Variants in HSPE1 observed in about 807,000 individuals in gnomAD.
The protein encoded by HSPE1 is 10 kDa heat shock protein, mitochondrial.
A neutral mutation model predicts 13.2 loss-of-function variants in HSPE1; 1 was observed. The ratio of observed to expected loss-of-function variants is 0.08; its 90% CI spans 0.03 to 0.36. HSPE1 has a LOEUF of 0.36. HSPE1 is among the 10% of genes least tolerant of loss of function. The pLI is 0.99. For missense variants in HSPE1, 73 were observed against 118.7 expected (o/e 0.62, Z 1.79); for synonymous variants, 44 against 42.0 (o/e 1.05, Z -0.19).
Position 197,503,325 on chromosome 2 carries a change from C to T in HSPE1, c.*66C>T, listed in dbSNP as rs567100980. The T allele has an allele frequency of 1.5e-4, 149 of 993,372 alleles. No homozygotes were observed. Among genetic ancestry groups the T allele is most frequent in the East Asian group, 1.0e-3 (42 of 41,676 alleles). The allele number at this position is 993,372 out of a possible 1,614,324, so 61.5% of individuals were successfully genotyped here. The stretch of plus-strand genomic sequence containing the variant: ...ATTCCACTGAAGTTCTGAAATCTTT[C>T]GTCATGTAAATAATTTCCATATTTC... On this transcript the variant is annotated 3_prime_UTR_variant, in exon 4 of 4. Coordinates refer to ENST00000233893, the MANE Select transcript of HSPE1 (RefSeq NM_002157.3).
At chr2:197,501,855 C>G (rs2086260640) in intron 2 of HSPE1, among the ~76,000 whole-genome samples, 2 of 151,266 alleles carry the variant, frequency 1.3e-5, no homozygotes, top group African/African-American at 4.9e-5. Context: ...TTTAATAAGA[C>G]AAAAGAGGCT....
chr2:197,503,090 C>G lies in HSPE1; in HGVS notation c.220C>G (p.Pro74Ala). ...GAAAGTTGGAGATAAAGTTCTTCTC[C>G]CAGAATATGGAGGCACCAAAGTAGT... ...SVKVGDKVLLPEYGGTKVVLD... is the reference protein window; with the variant it reads ...SVKVGDKVLLAEYGGTKVVLD... Residue 74 changes from proline (P) to alanine (A), a missense_variant, in exon 3 of 4, where the codon CCA becomes GCA. Coordinates refer to ENST00000233893, the MANE Select transcript of HSPE1 (RefSeq NM_002157.3). The G allele has an allele frequency of 6.2e-7, 1 of 1,609,364 alleles. No individual in the cohort carries two copies. The highest frequency in any genetic ancestry group is 8.5e-7 in the Non-Finnish European group (1 of 1,177,400).
chr2:197,501,924 G>C (rs756881849), intron 2 of HSPE1, among the ~76,000 whole-genome samples: 33 of 152,128 alleles, frequency 2.2e-4, no homozygotes, highest in Non-Finnish European at 4.1e-4. Flanking sequence ...CAGGAGGATC[G>C]TTTGAGCTCA....
rs773500015 is a variant in HSPE1, at chr2:197,500,401, A to C, written c.-36A>C. 6 of 1,597,186 alleles carry C rather than the reference A, an allele frequency of 3.8e-6. No homozygotes were observed. Among genetic ancestry groups the C allele is most frequent in the South Asian group, 1.1e-5 (1 of 88,292 alleles). ...ACTGCGAGTCTCTTTGCGGCGCTAC[A>C]CTAGAGCAGAGTACGAGTCTGAGGC... On this transcript the variant is annotated 5_prime_UTR_variant, in exon 1 of 4. Transcript: ENST00000233893.
At chr2:197,502,342 T>G (rs2086267098) in intron 2 of HSPE1, among the ~76,000 whole-genome samples, 1 of 152,218 alleles carries the variant, frequency 6.6e-6, no homozygotes, top group Admixed American at 6.6e-5. Flanking sequence ...GCCAAAAGAT[T>G]GCACACCTCT....
rs759144317 is a variant in HSPE1 at position 197,503,022 on chromosome 2, A to T, written c.169-17A>T. 8.9e-6 allele frequency: 13 copies of T among 1,461,864 alleles called. No individual in the cohort carries two copies. Among genetic ancestry groups the T allele is most frequent in the Non-Finnish European group, 1.1e-5 (12 of 1,052,634 alleles). 90.6% of individuals were successfully genotyped at this position (1,461,864 alleles called of 1,614,324 possible). On this transcript the variant is annotated splice_polypyrimidine_tract_variant and intron_variant, in intron 2 of 3. Transcript: ENST00000233893. ...GAACTAGATATCTTTGCTAATAAAC[A>T]TCCTTCCTTTTTTAAGGGTGGAGAG...
intron 2 of HSPE1, 42 bp downstream of exon 2, chr2:197,501,280 G>A (rs781536932): frequency 9.7e-6 from 15 of 1,548,586 alleles, no homozygotes; most frequent in Non-Finnish European, 1.3e-5. Context: ...ATAGTGTGCA[G>A]TGGAGGGAAA....
intron 1 of HSPE1, 130 bp downstream of exon 1, chr2:197,500,569 C>A: frequency 7.2e-7 from 1 of 1,394,862 alleles, no homozygotes; most frequent in Non-Finnish European, 9.9e-7. Flanking sequence ...CGCCCGATGG[C>A]ACCTTGGAGC....
chr2:197,501,727 C>A (rs977382863), intron 2 of HSPE1, among the ~76,000 whole-genome samples: 1 of 151,040 alleles, frequency 6.6e-6, no homozygotes, highest in African/African-American at 2.4e-5. Flanking sequence ...TGCAAGGCGC[C>A]CCTGCATTCC....
At position 197,501,246 on chromosome 2, in the gene HSPE1, G is replaced by A. The variant is rs902503936; in HGVS notation, c.168+8G>A. The A allele has an allele frequency of 2.5e-6, 4 of 1,604,322 alleles. No individual in the cohort carries two copies. The highest frequency in any genetic ancestry group is 2.7e-5 in the African/African-American group (2 of 74,662). On this transcript the variant is annotated splice_region_variant and intron_variant, in intron 2 of 3. Coordinates refer to ENST00000233893, the MANE Select transcript of HSPE1 (RefSeq NM_002157.3). ...TCGGGTTCTAAAGGAAAGGTAAATG[G>A]GAGCTGCAGTGGAACTATTTTTTAT...
At chr2:197,500,877 C>T in intron 1 of HSPE1, 197 bp from the exon 2 acceptor site, 1 of 662,610 alleles carries the variant, frequency 1.5e-6, no homozygotes, top group Non-Finnish European at 2.6e-6. Context: ...GACAACGACC[C>T]CTAACAGACG....
chr2:197,501,264 T>C (rs1296869691), intron 2 of HSPE1, 26 bp downstream of exon 2: 4 of 1,586,028 alleles, frequency 2.5e-6, no homozygotes, highest in South Asian at 2.3e-5. Flanking sequence ...AGTGGAACTA[T>C]TTTTTATAGT....
Position 197,503,423 on chromosome 2 carries a change from CA to C in HSPE1, c.*165del. ...AATTGTTTCCTTGTACTGATATAAA[CA>C]CTTCCAAATAAAAATATGTAAATGA... is the stretch of plus-strand genomic sequence containing the variant. On this transcript the variant is annotated 3_prime_UTR_variant, in exon 4 of 4. Coordinates refer to ENST00000233893, the MANE Select transcript of HSPE1 (RefSeq NM_002157.3). 2.1e-6 allele frequency: 1 copy of C among 472,348 alleles called. No homozygotes were observed. The highest frequency in any genetic ancestry group is 3.7e-6 in the Non-Finnish European group (1 of 267,444). 29.3% of individuals were successfully genotyped at this position (472,348 alleles called of 1,614,324 possible). A position where few individuals can be genotyped will look rare whatever the true frequency, so the allele number is the denominator to read the frequency against.
intron 2 of HSPE1, 92 bp downstream of exon 2, chr2:197,501,330 G>A (rs1471666817): frequency 7.2e-7 from 1 of 1,380,084 alleles, no homozygotes; most frequent in Non-Finnish European, 9.7e-7. Flanking sequence ...TTATTAAGTA[G>A]AGTTTATGTC....
chr2:197,501,767 C>CAA (rs11371120), intron 2 of HSPE1, among the ~76,000 whole-genome samples: 22,070 of 128,108 alleles, frequency 0.17, 1,939 homozygotes, highest in Middle Eastern at 0.28. Context: ...GATTCTGTCT[C>CAA]AAAAAAAAAA....
At position 197,500,393 on chromosome 2, in the gene HSPE1, GGC is replaced by G; in HGVS notation, c.-41_-40del. 6.3e-7 allele frequency: 1 copy of G among 1,592,630 alleles called. No homozygotes were observed. Among genetic ancestry groups the G allele is most frequent in the Non-Finnish European group, 8.5e-7 (1 of 1,170,390 alleles). ...AGGGCCGGACTGCGAGTCTCTTTGC[GGC>G]GCTACACTAGAGCAGAGTACGAGTC... On this transcript the variant is annotated 5_prime_UTR_variant, in exon 1 of 4. Coordinates refer to ENST00000233893, the MANE Select transcript of HSPE1 (RefSeq NM_002157.3).
Position 197,500,432 on chromosome 2 carries a change from G to T in HSPE1, c.-5G>T, listed in dbSNP as rs1208382394. 6.2e-7 allele frequency: 1 copy of T among 1,600,752 alleles called. No homozygotes were observed. Among genetic ancestry groups the T allele is most frequent in the Non-Finnish European group, 8.5e-7 (1 of 1,174,186 alleles). The stretch of plus-strand genomic sequence containing the variant: ...GCAGAGTACGAGTCTGAGGCGGAGG[G>T]AGTAATGGTGAGTCCCGCGTGGCCC... On this transcript the variant is annotated 5_prime_UTR_variant, in exon 1 of 4. Coordinates refer to ENST00000233893, the MANE Select transcript of HSPE1 (RefSeq NM_002157.3).
At chr2:197,503,172 A>G (rs1249275406) in intron 3 of HSPE1, 37 bp from the exon 4 acceptor site, 1 of 1,582,760 alleles carries the variant, frequency 6.3e-7, no homozygotes, top group African/African-American at 1.3e-5. Context: ...GATATTTGCA[A>G]TTAGTTGTCT....
rs2106087247 is a variant in HSPE1, at chr2:197,503,056, A to T, written c.186A>T (p.Pro62=). ...TTTTTAAGGGTGGAGAGATTCAACC[A>T]GTTAGCGTGAAAGTTGGAGATAAAG... ...GSKGKGGEIQ[P]VSVKVGDKVL... is the part of the protein sequence containing the mutation. The change falls in exon 3 of 4, where the codon CCA becomes CCT. Residue 62 remains proline (P), a synonymous_variant. Coordinates refer to ENST00000233893, the MANE Select transcript of HSPE1 (RefSeq NM_002157.3). The T allele has an allele frequency of 6.2e-7, 1 of 1,601,298 alleles. No individual in the cohort carries two copies.
Sources: allele counts gnomAD v4.1 joint callset (sites outside exome capture counted in the v4.1 genomes callset), GRCh38; gene constraint gnomAD v4.1.1; transcripts MANE v1.5; gene names NCBI Gene and HGNC (gene_info 2026-07-23, HGNC 2026-07-21).